PRICKLE1: variants seen among roughly 807,000 people sequenced by gnomAD.
The protein encoded by PRICKLE1 is prickle-like protein 1.
A neutral mutation model predicts 70.2 loss-of-function variants in PRICKLE1; 14 were observed. That is an observed-to-expected ratio of 0.20 (90% CI 0.13 to 0.31). The LOEUF (loss-of-function observed/expected upper bound fraction) is 0.31. Ranked by LOEUF, PRICKLE1 falls within the 10% of genes least tolerant of loss-of-function variation. The pLI is 1.00. For synonymous variants in PRICKLE1, 357 were observed against 379.9 expected (o/e 0.94, Z 0.70); for missense variants, 821 against 1,026.2 (o/e 0.80, Z 2.73).
At chr12:42,468,494 C>T in intron 5 of PRICKLE1, 132 bp downstream of exon 5, 2 of 848,594 alleles carry the variant, frequency 2.4e-6, no homozygotes, top group South Asian at 1.5e-5. Flanking sequence ...TATGAATGTA[C>T]AGGATTATGT....
chr12:42,561,422 T>C (rs566510452), intron 1 of PRICKLE1, among the ~76,000 whole-genome samples: 1 of 152,330 alleles, frequency 6.6e-6, no homozygotes, highest in South Asian at 2.1e-4. Context: ...TTTTTTCTAC[T>C]CCATTCAACT....
chr12:42,516,838 C>T (rs1327209282), intron 1 of PRICKLE1, among the ~76,000 whole-genome samples: 1 of 152,170 alleles, frequency 6.6e-6, no homozygotes, highest in Non-Finnish European at 1.5e-5. Context: ...CCACCCCTTG[C>T]CTTTGGCTAA....
At position 42,497,723 on chromosome 12, in the gene PRICKLE1, G is replaced by C. The variant is rs559927412; in HGVS notation, c.-48-25159C>G. The stretch of plus-strand genomic sequence containing the variant: ...GCTAGAATTATCAAAATGTGACACA[G>C]AGACACGAAGTGAGCACATGGTGTC... On this transcript the variant is annotated intron_variant, in intron 1 of 7. Transcript: ENST00000345127. 3.9e-5 allele frequency among the ~76,000 whole-genome samples: 6 copies of C among 152,278 alleles called. No individual in the cohort carries two copies. The East Asian group carries it at 9.6e-4, about 24-fold the overall frequency.
chr12:42,478,576 G>A (rs1593124346), intron 1 of PRICKLE1, among the ~76,000 whole-genome samples: 1 of 152,128 alleles, frequency 6.6e-6, no homozygotes, highest in African/African-American at 2.4e-5. Flanking sequence ...TCTCTAGCAG[G>A]TTCATGAGTT....
chr12:42,548,846 C>T (rs963420197), intron 1 of PRICKLE1, among the ~76,000 whole-genome samples: 17 of 152,080 alleles, frequency 1.1e-4, no homozygotes, highest in Non-Finnish European at 1.6e-4. Flanking sequence ...TGAGGCCGGG[C>T]GCGGTGGCTC....
intron 1 of PRICKLE1, among the ~76,000 whole-genome samples, chr12:42,477,693 A>G (rs1938622778): frequency 6.6e-6 from 1 of 151,842 alleles, no homozygotes; most frequent in African/African-American, 2.4e-5. Flanking sequence ...GGTCTGCCAA[A>G]ACATCATGCT....
At chr12:42,533,647 G>A (rs1304325884) in intron 1 of PRICKLE1, among the ~76,000 whole-genome samples, 2 of 151,986 alleles carry the variant, frequency 1.3e-5, no homozygotes, top group Admixed American at 6.6e-5. Context: ...AATAGGCAAC[G>A]TGACCAACAC....
intron 1 of PRICKLE1, among the ~76,000 whole-genome samples, chr12:42,533,330 CTT>C (rs1319048082): frequency 6.6e-6 from 1 of 151,524 alleles, no homozygotes; most frequent in African/African-American, 2.4e-5. Context: ...TTTATGATGA[CTT>C]AAACATTCAA....
rs1938002051 is a variant in PRICKLE1 at position 42,464,541 on chromosome 12, T to C, written c.1493A>G (p.Gln498Arg). The change falls in exon 7 of 8, where the codon CAG becomes CGG. Residue 498 changes from glutamine (Q) to arginine (R), a missense_variant. Transcript: ENST00000345127. This position sits in a 1 kb window ranked among gnomAD's most constrained non-coding sequence, Gnocchi z 4.2. ...AGCCCCATGGTCCAGTTCCAATTCCTGAAGCCTTCTACTGCTTGCAGGGCC... is the reference window on the plus strand; with the variant it reads ...AGCCCCATGGTCCAGTTCCAATTCCCGAAGCCTTCTACTGCTTGCAGGGCC... ...HPGPASSRRLQELELDHGASG... is the reference protein window; with the variant it reads ...HPGPASSRRLRELELDHGASG... 6.2e-7 allele frequency: 1 copy of C among 1,613,994 alleles called. No homozygotes were observed. Among genetic ancestry groups the C allele is most frequent in the African/African-American group, 1.3e-5 (1 of 74,990 alleles).
chr12:42,538,933 TAG>T, intron 1 of PRICKLE1, among the ~76,000 whole-genome samples: 1 of 152,196 alleles, frequency 6.6e-6, no homozygotes, highest in Non-Finnish European at 1.5e-5. Flanking sequence ...TCCCAAAAGT[TAG>T]AGAGTGGTAG....
At chr12:42,481,110 T>TAA (rs1019558317) in intron 1 of PRICKLE1, among the ~76,000 whole-genome samples, 8 of 152,196 alleles carry the variant, frequency 5.3e-5, no homozygotes, top group African/African-American at 1.9e-4. Context: ...TACCAATACA[T>TAA]AAGTACCTTA....
At chr12:42,527,323 G>A (rs191964821) in intron 1 of PRICKLE1, among the ~76,000 whole-genome samples, 2 of 152,034 alleles carry the variant, frequency 1.3e-5, no homozygotes, top group East Asian at 3.9e-4. Flanking sequence ...AGTAGAGAAG[G>A]GGTTTTGCCA....
At chr12:42,572,468 TA>T (rs1187856588) in intron 1 of PRICKLE1, among the ~76,000 whole-genome samples, 17 of 149,140 alleles carry the variant, frequency 1.1e-4, no homozygotes, top group African/African-American at 2.2e-4. Context: ...AATAAATAAA[TA>T]AATTAAAAAT....
intron 1 of PRICKLE1, among the ~76,000 whole-genome samples, chr12:42,499,820 C>T (rs896673863): frequency 3.3e-5 from 5 of 152,226 alleles, no homozygotes; most frequent in Admixed American, 6.5e-5. Context: ...CTCTGCCTCC[C>T]GGGTTCAAGC....
At chr12:42,531,474 T>C (rs1474377952) in intron 1 of PRICKLE1, among the ~76,000 whole-genome samples, 1 of 152,226 alleles carries the variant, frequency 6.6e-6, no homozygotes, top group Non-Finnish European at 1.5e-5. Flanking sequence ...TGCCTACACC[T>C]TTCCTCCATC....
intron 1 of PRICKLE1, among the ~76,000 whole-genome samples, chr12:42,531,516 A>G (rs1057470329): frequency 1.3e-5 from 2 of 152,212 alleles, no homozygotes; most frequent in Non-Finnish European, 2.9e-5. Context: ...AGAAAGGCTT[A>G]AAAATATGCC....
chr12:42,560,140 A>G (rs1338039351), intron 1 of PRICKLE1, among the ~76,000 whole-genome samples: 1 of 112,216 alleles, frequency 8.9e-6, no homozygotes, highest in Non-Finnish European at 1.7e-5. Context: ...TATTATTATT[A>G]TTATTATTAT....
chr12:42,554,211 C>T (rs530268390), intron 1 of PRICKLE1, among the ~76,000 whole-genome samples: 16 of 152,284 alleles, frequency 1.1e-4, no homozygotes, highest in African/African-American at 3.6e-4. Context: ...TATACAGGGT[C>T]TTAAAACAAT....
At position 42,475,508 on chromosome 12, in the gene PRICKLE1, C is replaced by G. The variant is rs148558795; in HGVS notation, c.-48-2944G>C. On this transcript the variant is annotated intron_variant, in intron 1 of 7. Transcript: ENST00000345127. ...AAACCCCTGCAACCCCACACTGCCTCCAGGGGGGGAGTGCTGATGGAGCCA... is the reference window on the plus strand; with the variant it reads ...AAACCCCTGCAACCCCACACTGCCTGCAGGGGGGGAGTGCTGATGGAGCCA... Among the ~76,000 whole-genome samples, 8 of 152,204 alleles carry G rather than the reference C, an allele frequency of 5.3e-5. No individual in the cohort carries two copies. In the East Asian group the frequency reaches 1.4e-3, roughly 26 times the overall value.
Sources: allele counts gnomAD v4.1 joint callset (sites outside exome capture counted in the v4.1 genomes callset), GRCh38; gene constraint gnomAD v4.1.1; non-coding constraint Gnocchi (gnomAD v3.1); transcripts MANE v1.5; gene names NCBI Gene and HGNC (gene_info 2026-07-23, HGNC 2026-07-21).